HMHB1: variants seen among roughly 807,000 people sequenced by gnomAD.
HMHB1 encodes histocompatibility minor HB-1.
HMHB1 carries 4 observed loss-of-function variants against 2.4 expected under a neutral mutation model. The ratio of observed to expected loss-of-function variants is 1.65; its 90% CI spans 0.81 to 3.77. HMHB1 has a LOEUF of 3.77. Among genes scored for constraint, HMHB1 ranks in the 30% most tolerant of loss-of-function variants. HMHB1 has a pLI of 0.01. For synonymous variants in HMHB1, 22 were observed against 17.6 expected, an observed-to-expected ratio of 1.25 and a Z score of -0.63; for missense variants, 57 against 44.2, an observed-to-expected ratio of 1.29 and a Z score of -0.82.
chr5:143,815,242 T>G (rs894851290), intron 1 of HMHB1, among the ~76,000 whole-genome samples: 1 of 152,222 alleles, frequency 6.6e-6, no homozygotes, highest in Admixed American at 6.5e-5. Flanking sequence ...ATTCATTATC[T>G]TACAGTTAAG....
intron 1 of HMHB1, among the ~76,000 whole-genome samples, chr5:143,819,345 G>C (rs1759781625): frequency 1.3e-5 from 2 of 152,202 alleles, no homozygotes; most frequent in African/African-American, 4.8e-5. Context: ...AACCCTAAAA[G>C]TCTACTACAA....
intron 1 of HMHB1, among the ~76,000 whole-genome samples, chr5:143,816,000 C>A (rs928343153): frequency 6.6e-6 from 1 of 152,154 alleles, no homozygotes; most frequent in Non-Finnish European, 1.5e-5. Flanking sequence ...GCCGCTGTGC[C>A]CAGCCCTCTT....
At chr5:143,820,438 A>G (rs761573720) in intron 1 of HMHB1, 42 bp from the exon 2 acceptor site, 2 of 1,127,792 alleles carry the variant, frequency 1.8e-6, no homozygotes, top group South Asian at 1.2e-5. Flanking sequence ...ACTGCTGAGA[A>G]GTTGTAAGCT....
intron 1 of HMHB1, among the ~76,000 whole-genome samples, chr5:143,817,281 A>C (rs1354746072): frequency 6.6e-6 from 1 of 152,176 alleles, no homozygotes; most frequent in African/African-American, 2.4e-5. Flanking sequence ...ATCCTTGCCT[A>C]AGCCAATGTC....
In HMHB1 at chr5:143,820,567, G is replaced by T. The variant is rs2126795207; in HGVS notation, c.125G>T (p.Ter42LeuextTer4). 3 of 1,604,718 alleles carry T rather than the reference G, an allele frequency of 1.9e-6. No individual in the cohort carries two copies. The South Asian group carries it at 3.3e-5, about 18-fold the overall frequency. Reference sequence around the variant, plus strand: ...AGCTCTTCCCTGACTTATAGGCTTTGACACTGCTGTTGAGGTTTGACTCGA... The same window carrying T: ...AGCTCTTCCCTGACTTATAGGCTTTTACACTGCTGTTGAGGTTTGACTCGA... The change falls in exon 2 of 2, where the codon TGA (stop) becomes TTA (leucine). Residue 42 changes from the stop codon to leucine (L), a stop_lost. Coordinates refer to ENST00000289448, the MANE Select transcript of HMHB1 (RefSeq NM_021182.3).
intron 1 of HMHB1, among the ~76,000 whole-genome samples, 181 bp downstream of exon 1, chr5:143,812,485 A>G (rs1759703304): frequency 6.6e-6 from 1 of 152,076 alleles, no homozygotes; most frequent in East Asian, 1.9e-4. Context: ...TAGGGCGGAT[A>G]GTTTCCAGTT....
chr5:143,813,224 G>T (rs1759712349), intron 1 of HMHB1, among the ~76,000 whole-genome samples: 1 of 152,134 alleles, frequency 6.6e-6, no homozygotes. Flanking sequence ...CTTTCTTTTA[G>T]AATTTTTATG....
At chr5:143,817,850 C>G (rs1264444236) in intron 1 of HMHB1, among the ~76,000 whole-genome samples, 1 of 151,924 alleles carries the variant, frequency 6.6e-6, no homozygotes, top group Non-Finnish European at 1.5e-5. Context: ...TATCAAATAC[C>G]TAGAAATAAA....
chr5:143,815,923 G>A (rs1161612576), intron 1 of HMHB1, among the ~76,000 whole-genome samples: 1 of 142,750 alleles, frequency 7.0e-6, no homozygotes, highest in African/African-American at 2.8e-5. Context: ...AGCCAGGATG[G>A]TCTCGATCTC....
At chr5:143,819,382 C>T (rs1176867616) in intron 1 of HMHB1, among the ~76,000 whole-genome samples, 2 of 152,220 alleles carry the variant, frequency 1.3e-5, no homozygotes, top group Non-Finnish European at 2.9e-5. Context: ...TTGTAGATAT[C>T]TGAGAGGAAT....
At chr5:143,819,401 G>A (rs182047115) in intron 1 of HMHB1, among the ~76,000 whole-genome samples, 8 of 152,306 alleles carry the variant, frequency 5.3e-5, no homozygotes, top group East Asian at 3.9e-4. Flanking sequence ...ATCCTTATCC[G>A]TATGTGAAAG....
chr5:143,816,840 C>T lies in HMHB1; in HGVS notation c.38-3640C>T, dbSNP rs571392122. On this transcript the variant is annotated intron_variant, in intron 1 of 1. Coordinates refer to ENST00000289448, the MANE Select transcript of HMHB1 (RefSeq NM_021182.3). Reference sequence around the variant, plus strand: ...CCACCAGCAGTGTAAAAGTGTTCCCCGTTCACTGCATCCATGCCAGCATCT... The same window carrying T: ...CCACCAGCAGTGTAAAAGTGTTCCCTGTTCACTGCATCCATGCCAGCATCT... Among the ~76,000 whole-genome samples the T allele has an allele frequency of 9.1e-4, 138 of 152,252 alleles. 1 individual carries two copies. In the Middle Eastern group the frequency reaches 0.01, roughly 11 times the overall value.
At chr5:143,820,335 A>C (rs1216570902) in intron 1 of HMHB1, 145 bp from the exon 2 acceptor site, 88 of 335,114 alleles carry the variant, frequency 2.6e-4, no homozygotes, top group Non-Finnish European at 4.3e-4. Context: ...AAAAAAAAAA[A>C]AAAAAAAAAA....
At chr5:143,817,288 T>A (rs1759759340) in intron 1 of HMHB1, among the ~76,000 whole-genome samples, 1 of 152,246 alleles carries the variant, frequency 6.6e-6, no homozygotes, top group Non-Finnish European at 1.5e-5. Context: ...CCTAAGCCAA[T>A]GTCTAGAAGG....
At position 143,817,273 on chromosome 5, in the gene HMHB1, C is replaced by G. The variant is rs192363057; in HGVS notation, c.38-3207C>G. Among the ~76,000 whole-genome samples, 351 of 152,280 alleles carry G rather than the reference C, an allele frequency of 2.3e-3. 1 individual carries two copies. The highest frequency in any genetic ancestry group is 8.2e-3 in the African/African-American group (339 of 41,560). Reference sequence around the variant, plus strand: ...GCTTTTGGGTTCTTGGCCATGAAATCCTTGCCTAAGCCAATGTCTAGAAGG... The same window carrying G: ...GCTTTTGGGTTCTTGGCCATGAAATGCTTGCCTAAGCCAATGTCTAGAAGG... On this transcript the variant is annotated intron_variant, in intron 1 of 1. Transcript: ENST00000289448.
At chr5:143,820,216 G>A (rs1450870602) in intron 1 of HMHB1, among the ~76,000 whole-genome samples, 1 of 149,330 alleles carries the variant, frequency 6.7e-6, no homozygotes, top group African/African-American at 2.5e-5. Context: ...GGTTTTCGTG[G>A]GAAATTCAAT....
At chr5:143,812,327 G>C (rs968282191) in intron 1 of HMHB1, 23 bp downstream of exon 1, 2 of 1,549,322 alleles carry the variant, frequency 1.3e-6, no homozygotes, top group Non-Finnish European at 1.7e-6. Context: ...GGAGGAGGGA[G>C]AACAGAGAGA....
At chr5:143,817,464 T>C (rs1396845151) in intron 1 of HMHB1, among the ~76,000 whole-genome samples, 3 of 152,174 alleles carry the variant, frequency 2.0e-5, no homozygotes, top group African/African-American at 7.2e-5. Flanking sequence ...GACAAGGGTG[T>C]CCTTTCCCCA....
At chr5:143,820,318 TAAAAAAAAAAAAAAAAAA>T (rs60960654) in intron 1 of HMHB1, among the ~76,000 whole-genome samples, 144 bp from the exon 2 acceptor site, 1 of 47,578 alleles carries the variant, frequency 2.1e-5, no homozygotes, top group African/African-American at 7.0e-5. Context: ...TCATCATAAG[TAAAAAAAAAAAAAAAAAA>T]AAAAAAAAAA....
Sources: allele counts gnomAD v4.1 joint callset (sites outside exome capture counted in the v4.1 genomes callset), GRCh38; gene constraint gnomAD v4.1.1; transcripts MANE v1.5; gene names NCBI Gene and HGNC (gene_info 2026-07-23, HGNC 2026-07-21).